KIAA1217: variants seen among roughly 807,000 people sequenced by gnomAD.
The protein encoded by KIAA1217 is sickle tail protein homolog.
KIAA1217 carries 88 observed loss-of-function variants against 163.9 expected under a neutral mutation model. The observed-to-expected ratio is 0.54, with a 90% CI of 0.45 to 0.64. The LOEUF (loss-of-function observed/expected upper bound fraction) is 0.64, where lower values mean the gene tolerates loss of function less well. KIAA1217 is among the 30% of genes least tolerant of loss of function. The pLI is 0.00. For synonymous variants in KIAA1217, 903 were observed against 923.1 expected (o/e 0.98, Z 0.39); for missense variants, 2,372 against 2,475.0 (o/e 0.96, Z 0.88).
Position 24,528,026 on chromosome 10 carries a change from A to G in KIAA1217, c.2989A>G (p.Asn997Asp). ...FEKLLEEAQA[N>D]IMKSIPNLEM... The stretch of plus-strand genomic sequence containing the variant: ...GAAGCTCCTAGAAGAAGCTCAGGCC[A>G]ATATCATGAAGTCAATACCAAATCT... The change falls in exon 14 of 21, where the codon AAT becomes GAT. Residue 997 changes from asparagine (N) to aspartate (D), a missense_variant. Coordinates refer to ENST00000376454, the MANE Select transcript of KIAA1217 (RefSeq NM_019590.5). The G allele has an allele frequency of 6.2e-7, 1 of 1,614,200 alleles. No individual in the cohort carries two copies. The highest frequency in any genetic ancestry group is 8.5e-7 in the Non-Finnish European group (1 of 1,180,022).
At chr10:23,824,494 GAC>G (rs1491269872) in intron 1 of KIAA1217, among the ~76,000 whole-genome samples, 41,505 of 148,108 alleles carry the variant, frequency 0.28, 7,077 homozygotes, top group African/African-American at 0.43. Context: ...TCAGCATGGT[GAC>G]ATGGGCCTCT....
chr10:24,111,175 A>G (rs1408938337), intron 2 of KIAA1217, among the ~76,000 whole-genome samples: 1 of 152,210 alleles, frequency 6.6e-6, no homozygotes. Flanking sequence ...GCCAAATATG[A>G]GCAAAAGAAT....
intron 3 of KIAA1217, among the ~76,000 whole-genome samples, chr10:24,407,257 CGTGTGTGT>C (rs10545826): frequency 5.7e-4 from 84 of 147,806 alleles, no homozygotes; most frequent in African/African-American, 1.7e-3. Context: ...GATGAAGATA[CGTGTGTGT>C]GTGTGTGTGT....
rs1283881093 is a variant in KIAA1217, at chr10:24,264,483, T to TA, written c.354+44583dup. Reference sequence around the variant, plus strand: ...GACTAGTAAGACCAGCTTTAGAGTTTAAAAAAAAAGAAGAGGAAAAAGAAA... The same window carrying TA: ...GACTAGTAAGACCAGCTTTAGAGTTTAAAAAAAAAAGAAGAGGAAAAAGAAA... On this transcript the variant is annotated intron_variant, in intron 2 of 20. Transcript: ENST00000376454. Among the ~76,000 whole-genome samples the TA allele has an allele frequency of 1.8e-4, 27 of 150,782 alleles. 1 individual carries two copies. The highest frequency in any genetic ancestry group is 8.4e-4 in the South Asian group (4 of 4,744).
intron 2 of KIAA1217, among the ~76,000 whole-genome samples, chr10:24,056,269 G>A (rs555052690): frequency 1.6e-4 from 25 of 152,136 alleles, no homozygotes; most frequent in East Asian, 5.8e-4. Flanking sequence ...TGGAGGTCAC[G>A]GTGAGCCAAG....
chr10:24,163,672 G>C (rs2065219891), intron 2 of KIAA1217, among the ~76,000 whole-genome samples: 1 of 152,182 alleles, frequency 6.6e-6, no homozygotes, highest in Non-Finnish European at 1.5e-5. Context: ...ACATATGCAA[G>C]TGAATTCATC....
chr10:24,296,838 AG>A, intron 2 of KIAA1217, among the ~76,000 whole-genome samples: 1 of 152,348 alleles, frequency 6.6e-6, no homozygotes, highest in African/African-American at 2.4e-5. Flanking sequence ...GTGCAAAAAA[AG>A]AAATTGCTAG....
chr10:23,981,267 A>G (rs1439877609), intron 1 of KIAA1217, among the ~76,000 whole-genome samples: 1 of 152,216 alleles, frequency 6.6e-6, no homozygotes, highest in Non-Finnish European at 1.5e-5. Context: ...AATACTTTAG[A>G]TAAATCTTCA....
chr10:24,515,571 A>G (rs187093454), intron 10 of KIAA1217, among the ~76,000 whole-genome samples: 1 of 152,320 alleles, frequency 6.6e-6, no homozygotes, highest in Non-Finnish European at 1.5e-5. Flanking sequence ...GATGAGTAAA[A>G]GAGGCAAAGA....
chr10:24,211,304 G>A (rs2068042182), intron 1 of KIAA1217, among the ~76,000 whole-genome samples: 1 of 148,406 alleles, frequency 6.7e-6, no homozygotes, highest in Non-Finnish European at 1.5e-5. Context: ...TGAAACCATT[G>A]TAAGGACTAG....
chr10:24,378,549 C>T (rs192254520), intron 2 of KIAA1217, among the ~76,000 whole-genome samples: 181 of 152,252 alleles, frequency 1.2e-3, no homozygotes, highest in African/African-American at 4.1e-3. Context: ...CCATATAGAC[C>T]TTACATGCTT....
rs2065454296 is a variant in KIAA1217 at position 24,168,321 on chromosome 10, A to G, written c.-170-51305A>G. The stretch of plus-strand genomic sequence containing the variant: ...TAAGGAGGGAATATTTTTTCAGACA[A>G]GAAAAACTGAGGCTCCATGAAAGTA... On this transcript the variant is annotated intron_variant, in intron 2 of 18. Transcript: ENST00000376462. 2.0e-5 allele frequency among the ~76,000 whole-genome samples: 3 copies of G among 152,242 alleles called. No individual in the cohort carries two copies. The South Asian group carries it at 6.2e-4, about 32-fold the overall frequency.
chr10:24,452,679 C>CAAA (rs1331069997), intron 5 of KIAA1217, among the ~76,000 whole-genome samples: 1 of 64,104 alleles, frequency 1.6e-5, no homozygotes, highest in African/African-American at 5.4e-5. Flanking sequence ...AAGACTGTCT[C>CAAA]AAAAAAAAAA....
intron 2 of KIAA1217, among the ~76,000 whole-genome samples, chr10:24,175,673 A>T (rs2065848792): frequency 6.6e-6 from 1 of 152,030 alleles, no homozygotes; most frequent in Non-Finnish European, 1.5e-5. Context: ...GTGTGTCCAG[A>T]GTTTGCTCCT....
chr10:23,855,809 C>G (rs988796081), intron 1 of KIAA1217, among the ~76,000 whole-genome samples: 2 of 152,180 alleles, frequency 1.3e-5, no homozygotes, highest in African/African-American at 4.8e-5. Flanking sequence ...CGCATCGGCT[C>G]CTGAGGCTTC....
chr10:23,971,950 A>T (rs1178289694), intron 1 of KIAA1217, among the ~76,000 whole-genome samples: 1 of 152,236 alleles, frequency 6.6e-6, no homozygotes, highest in African/African-American at 2.4e-5. Context: ...CTTTAATCAG[A>T]AAATTCTGGA....
chr10:23,767,328 T>C (rs372132500), intron 1 of KIAA1217, among the ~76,000 whole-genome samples: 1 of 152,166 alleles, frequency 6.6e-6, no homozygotes, highest in African/African-American at 2.4e-5. Context: ...TAGATATCAA[T>C]GTGGAGAAAG....
At chr10:24,445,665 A>C (rs1401215170) in intron 5 of KIAA1217, among the ~76,000 whole-genome samples, 2 of 151,572 alleles carry the variant, frequency 1.3e-5, no homozygotes, top group Non-Finnish European at 2.9e-5. Flanking sequence ...TTTGCTGAGA[A>C]TGATGGTTTC....
chr10:24,285,956 C>CGT (rs758870397), intron 2 of KIAA1217, among the ~76,000 whole-genome samples: 7 of 151,606 alleles, frequency 4.6e-5, no homozygotes, highest in South Asian at 2.1e-4. Context: ...ATTTTATTAT[C>CGT]GTGTGTGTGT....
Sources: allele counts gnomAD v4.1 joint callset (sites outside exome capture counted in the v4.1 genomes callset), GRCh38; gene constraint gnomAD v4.1.1; transcripts MANE v1.5; gene names NCBI Gene and HGNC (gene_info 2026-07-23, HGNC 2026-07-21).